The following SHANK2 variants were observed in gnomAD, a reference collection of about 807,000 sequenced individuals.
SHANK2 encodes the protein SH3 and multiple ankyrin repeat domains protein 2.
Under a neutral mutation model 133.7 loss-of-function variants are expected in SHANK2, and 43 were observed. The observed-to-expected ratio is 0.32, with a 90% CI of 0.25 to 0.41. The LOEUF (loss-of-function observed/expected upper bound fraction) is 0.41, where lower values mean the gene tolerates loss of function less well. Among genes scored for constraint, SHANK2 ranks in the 10% least tolerant of loss-of-function variants. SHANK2 has a pLI of 1.00. For synonymous variants in SHANK2, 1,017 were observed against 952.8 expected (o/e 1.07, Z -1.24); for missense variants, 1,994 against 2,235.8 (o/e 0.89, Z 2.18).
intron 17 of SHANK2, among the ~76,000 whole-genome samples, chr11:70,613,763 GTTTTTTT>G (rs57180024): frequency 8.1e-6 from 1 of 123,776 alleles, no homozygotes. Flanking sequence ...AGGGGAACTT[GTTTTTTT>G]TTTTTTTTCT....
chr11:70,953,215 A>G (rs1254373513), intron 10 of SHANK2, among the ~76,000 whole-genome samples: 1 of 151,954 alleles, frequency 6.6e-6, no homozygotes, highest in Non-Finnish European at 1.5e-5. Context: ...ATGGGGGTGG[A>G]TCCCTCATGA....
In SHANK2 at chr11:71,147,252, T is replaced by C; in HGVS notation, c.75A>G (p.Ser25=). The change falls in exon 3 of 26, where the codon TCA becomes TCG. Residue 25 remains serine, a synonymous_variant. Coordinates refer to ENST00000601538, the MANE Select transcript of SHANK2 (RefSeq NM_012309.5). ...SFSDYSVGSE[S]DSSKEETIYD... is the part of the protein sequence containing the mutation. Reference sequence around the variant, plus strand: ...AGATGGTCTCTTCTTTGGAGCTGTCTGACTCCGACCCCACGGAGTAGTCGG... The same window carrying C: ...AGATGGTCTCTTCTTTGGAGCTGTCCGACTCCGACCCCACGGAGTAGTCGG... 1 of 1,551,044 alleles carries C rather than the reference T, an allele frequency of 6.4e-7. No individual in the cohort carries two copies. Among genetic ancestry groups the C allele is most frequent in the East Asian group, 2.4e-5 (1 of 40,914 alleles).
chr11:70,482,520 C>T (rs923944554), intron 25 of SHANK2, among the ~76,000 whole-genome samples: 3 of 152,224 alleles, frequency 2.0e-5, no homozygotes, highest in Non-Finnish European at 4.4e-5. Flanking sequence ...AGGTCTAGTT[C>T]CGCGTCTTCC....
At chr11:70,547,100 C>T (rs963427523) in intron 17 of SHANK2, among the ~76,000 whole-genome samples, 2 of 152,066 alleles carry the variant, frequency 1.3e-5, no homozygotes, top group African/African-American at 2.4e-5. Context: ...GATGCTTCCA[C>T]TCAGGAATTT....
At chr11:70,832,227 G>A (rs977472245) in intron 11 of SHANK2, among the ~76,000 whole-genome samples, 23 of 152,286 alleles carry the variant, frequency 1.5e-4, no homozygotes, top group Non-Finnish European at 2.2e-4. Context: ...AGGCAGTGTC[G>A]GTGATCCCTG....
intron 17 of SHANK2, among the ~76,000 whole-genome samples, chr11:70,608,806 T>G (rs2060615701): frequency 6.6e-6 from 1 of 152,152 alleles, no homozygotes; most frequent in African/African-American, 2.4e-5. Flanking sequence ...ATTACAAACC[T>G]CTCAGCTAAA....
intron 10 of SHANK2, among the ~76,000 whole-genome samples, chr11:70,908,253 G>A (rs921259040): frequency 5.9e-5 from 9 of 152,198 alleles, no homozygotes; most frequent in Non-Finnish European, 1.2e-4. Context: ...ACGTGACTGC[G>A]TTTAAGTGGA....
chr11:70,909,292 T>C (rs1462688732), intron 10 of SHANK2, among the ~76,000 whole-genome samples: 1 of 152,150 alleles, frequency 6.6e-6, no homozygotes, highest in East Asian at 1.9e-4. Context: ...ACAGGGCAGT[T>C]AGACTTTTCT....
chr11:71,205,464 C>T (rs782522214), intron 2 of SHANK2, among the ~76,000 whole-genome samples: 6 of 152,244 alleles, frequency 3.9e-5, no homozygotes, highest in Non-Finnish European at 5.9e-5. Context: ...GCCCCTCTTG[C>T]TGGGCTCCAG....
chr11:70,866,276 C>A (rs1949357709), intron 11 of SHANK2, among the ~76,000 whole-genome samples: 1 of 152,068 alleles, frequency 6.6e-6, no homozygotes, highest in Non-Finnish European at 1.5e-5. Context: ...CTCAGAGGAG[C>A]CACAGCCCAT....
intron 1 of SHANK2, among the ~76,000 whole-genome samples, chr11:71,241,816 C>T (rs1555124461): frequency 6.6e-6 from 1 of 152,194 alleles, no homozygotes; most frequent in East Asian, 1.9e-4. Context: ...AGAAAGCAGC[C>T]TAGGCTGGAG....
intron 4 of SHANK2, among the ~76,000 whole-genome samples, chr11:71,115,993 T>G (rs1951971871): frequency 6.6e-6 from 1 of 152,134 alleles, no homozygotes. Context: ...GACAGCTGAG[T>G]GATTTGCTCT....
At position 70,581,952 on chromosome 11, in the gene SHANK2, C is replaced by T. The variant is rs146643298; in HGVS notation, c.2061+77876G>A. On this transcript the variant is annotated intron_variant, in intron 17 of 25. Transcript: ENST00000601538. ...CTCTTGGGCACACGAGGGTTGGGGC[C>T]GTAAATGTTTGCCAGCTCTGCCCCG... Among the ~76,000 whole-genome samples, 681 of 152,294 alleles carry T rather than the reference C, an allele frequency of 4.5e-3. 3 individuals carry two copies. The highest frequency in any genetic ancestry group is 0.015 in the African/African-American group (617 of 41,552).
At chr11:70,637,290 C>G (rs2134132216) in intron 17 of SHANK2, among the ~76,000 whole-genome samples, 1 of 152,300 alleles carries the variant, frequency 6.6e-6, no homozygotes, top group East Asian at 1.9e-4. Flanking sequence ...CCTGCTCTTC[C>G]TCTCTGCAGG....
intron 10 of SHANK2, among the ~76,000 whole-genome samples, chr11:70,901,838 G>T (rs1950027245): frequency 6.6e-6 from 1 of 152,200 alleles, no homozygotes; most frequent in Non-Finnish European, 1.5e-5. Flanking sequence ...GAATGTGGCA[G>T]CAAGACAGGC....
chr11:70,661,497 G>T, intron 16 of SHANK2, 99 bp downstream of exon 16: 6 of 1,045,060 alleles, frequency 5.7e-6, no homozygotes, highest in Non-Finnish European at 8.4e-6. Flanking sequence ...TCATGCAGGC[G>T]TATACACACA....
At chr11:70,818,092 GCAGCTATA>G (rs2135331908) in intron 12 of SHANK2, among the ~76,000 whole-genome samples, 2 of 152,284 alleles carry the variant, frequency 1.3e-5, no homozygotes, top group South Asian at 4.1e-4. Flanking sequence ...CCAAGGTTAT[GCAGCTATA>G]CAATGGTACA....
intron 17 of SHANK2, among the ~76,000 whole-genome samples, chr11:70,630,173 C>A (rs182232216): frequency 2.0e-5 from 3 of 152,328 alleles, no homozygotes; most frequent in African/African-American, 7.2e-5. Context: ...GCAGAGCCCA[C>A]GCTTAGAGCA....
intron 15 of SHANK2, among the ~76,000 whole-genome samples, chr11:70,671,871 C>T (rs1342767074): frequency 1.2e-4 from 18 of 152,092 alleles, no homozygotes; most frequent in Non-Finnish European, 1.3e-4. Context: ...GGCCCAAACC[C>T]GAGGAGCTGT....
Sources: allele counts gnomAD v4.1 joint callset (sites outside exome capture counted in the v4.1 genomes callset), GRCh38; gene constraint gnomAD v4.1.1; transcripts MANE v1.5; gene names NCBI Gene and HGNC (gene_info 2026-07-23, HGNC 2026-07-21).